Variants in USP25 observed in about 807,000 individuals in gnomAD.
The protein encoded by USP25 is ubiquitin specific peptidase 25.
USP25 carries 85 observed loss-of-function variants against 158.5 expected under a neutral mutation model. That is an observed-to-expected ratio of 0.54 (90% CI 0.45 to 0.64). The LOEUF is 0.64. Among genes scored for constraint, USP25 ranks in the 30% least tolerant of loss-of-function variants. The probability of loss-of-function intolerance (pLI) is 0.00; values close to 1 mark genes in which losing one functional copy is unlikely to be tolerated. For synonymous variants in USP25, 464 were observed against 460.4 expected (o/e 1.01, Z -0.10); for missense variants, 1,242 against 1,327.3 (o/e 0.94, Z 1.00).
At position 15,878,477 on chromosome 21, in the gene USP25, C is replaced by T. The variant is rs1215361786; in HGVS notation, c.*2C>T. ...CGAACTCCTGCTGATGGAAGATAAACTGCACACTTTCCCTGAACACACTGT... is the reference window on the plus strand; with the variant it reads ...CGAACTCCTGCTGATGGAAGATAAATTGCACACTTTCCCTGAACACACTGT... On this transcript the variant is annotated 3_prime_UTR_variant, in exon 26 of 26. Transcript: ENST00000400183. The T allele has an allele frequency of 3.1e-6, 5 of 1,613,758 alleles. No homozygotes were observed. Among genetic ancestry groups the T allele is most frequent in the Non-Finnish European group, 4.2e-6 (5 of 1,179,820 alleles).
At chr21:15,832,046 A>C (rs911210541) in intron 16 of USP25, among the ~76,000 whole-genome samples, 3 of 152,094 alleles carry the variant, frequency 2.0e-5, no homozygotes, top group Non-Finnish European at 4.4e-5. Context: ...AAACCATTTC[A>C]CACATTTATG....
In USP25 at chr21:15,843,395, G is replaced by A. The variant is rs2038432136; in HGVS notation, c.2337+855G>A. Among the ~76,000 whole-genome samples, 2 of 152,114 alleles carry A rather than the reference G, an allele frequency of 1.3e-5. No homozygotes were observed. The highest frequency in any genetic ancestry group is 1.3e-4 in the Admixed American group (2 of 15,270). Reference sequence around the variant, plus strand: ...TGCTTAGTAAGTGAATTCAGTGCCAGCAATAACCTGCTAATTGCAATGAGG... The same window carrying A: ...TGCTTAGTAAGTGAATTCAGTGCCAACAATAACCTGCTAATTGCAATGAGG... On this transcript the variant is annotated intron_variant, in intron 18 of 25. Coordinates refer to ENST00000400183, the MANE Select transcript of USP25 (RefSeq NM_001283041.3). The surrounding 1 kb of genome is among the most constrained non-coding windows in gnomAD (Gnocchi z 4.0).
At chr21:15,827,720 TAAG>T (rs1405169403) in intron 14 of USP25, among the ~76,000 whole-genome samples, 1 of 151,380 alleles carries the variant, frequency 6.6e-6, no homozygotes, top group Non-Finnish European at 1.5e-5. Flanking sequence ...ATAAGAAAAA[TAAG>T]GACAGTGCTC....
chr21:15,774,938 GA>G (rs1284660314), intron 3 of USP25, among the ~76,000 whole-genome samples: 1 of 152,118 alleles, frequency 6.6e-6, no homozygotes, highest in Non-Finnish European at 1.5e-5. Flanking sequence ...AATAATATCT[GA>G]GTAGTATTAT....
intron 20 of USP25, among the ~76,000 whole-genome samples, chr21:15,858,112 C>T (rs991091108): frequency 2.2e-4 from 34 of 152,046 alleles, no homozygotes; most frequent in African/African-American, 8.0e-4. Context: ...TTGTAATACA[C>T]TTTCACATTT....
intron 5 of USP25, 123 bp downstream of exon 5, chr21:15,791,787 G>A: frequency 9.9e-7 from 1 of 1,005,844 alleles, no homozygotes; most frequent in Non-Finnish European, 1.4e-6. Context: ...ATACTATTTT[G>A]TCTAATAAAC....
At chr21:15,857,515 T>A (rs960164142) in intron 20 of USP25, among the ~76,000 whole-genome samples, 2 of 152,148 alleles carry the variant, frequency 1.3e-5, no homozygotes, top group African/African-American at 4.8e-5. Flanking sequence ...TTTGTGAGGG[T>A]CAGTTTTTTT....
At chr21:15,732,631 G>T (rs942387205) in intron 1 of USP25, among the ~76,000 whole-genome samples, 16 of 152,236 alleles carry the variant, frequency 1.1e-4, no homozygotes, top group African/African-American at 3.9e-4. Context: ...TTAAAAAACT[G>T]TGTGTACATA....
intron 17 of USP25, among the ~76,000 whole-genome samples, chr21:15,838,350 T>C (rs146337600): frequency 9.2e-4 from 140 of 152,254 alleles, no homozygotes; most frequent in Middle Eastern, 3.4e-3. Context: ...AATGAATTTC[T>C]TAGGGGTGAT....
intron 14 of USP25, among the ~76,000 whole-genome samples, chr21:15,827,759 CGTGTGCGT>C (rs1434296722): frequency 9.7e-6 from 1 of 102,698 alleles, no homozygotes; most frequent in East Asian, 2.6e-4. Flanking sequence ...CACTTGTGTG[CGTGTGCGT>C]GTGTGTGTGT....
chr21:15,853,869 C>T (rs551340244), intron 20 of USP25, among the ~76,000 whole-genome samples: 3 of 152,040 alleles, frequency 2.0e-5, no homozygotes, highest in South Asian at 2.1e-4. Flanking sequence ...TAAGATCATA[C>T]GAGCCTAGCG....
chr21:15,797,818 CAGTACTGAGAG>C (rs2035933665), intron 5 of USP25, among the ~76,000 whole-genome samples: 1 of 151,108 alleles, frequency 6.6e-6, no homozygotes, highest in Non-Finnish European at 1.5e-5. Flanking sequence ...GAAAATATTA[CAGTACTGAGAG>C]AGAGAAGGAG....
intron 1 of USP25, among the ~76,000 whole-genome samples, chr21:15,740,392 G>A (rs779292166): frequency 9.2e-5 from 14 of 152,086 alleles, no homozygotes; most frequent in Non-Finnish European, 1.8e-4. Flanking sequence ...GTCTTTGAAC[G>A]GACATTGTTT....
intron 20 of USP25, among the ~76,000 whole-genome samples, chr21:15,853,144 T>C (rs768723783): frequency 1.3e-5 from 2 of 152,206 alleles, no homozygotes; most frequent in East Asian, 1.9e-4. Flanking sequence ...AATGCACATA[T>C]ACAGAGACTT....
chr21:15,848,529 C>A (rs916556553), intron 19 of USP25, among the ~76,000 whole-genome samples: 1 of 149,904 alleles, frequency 6.7e-6, no homozygotes, highest in East Asian at 2.0e-4. Flanking sequence ...CAGAGGAGGC[C>A]GTAACTATTG....
At chr21:15,846,454 G>A (rs543879506) in intron 18 of USP25, among the ~76,000 whole-genome samples, 17 of 151,798 alleles carry the variant, frequency 1.1e-4, no homozygotes, top group African/African-American at 4.1e-4. Flanking sequence ...AAGCTACCAC[G>A]CCATGCCAAA....
chr21:15,841,032 AT>A (rs1463896242), intron 17 of USP25, among the ~76,000 whole-genome samples: 1 of 152,210 alleles, frequency 6.6e-6, no homozygotes, highest in African/African-American at 2.4e-5. Flanking sequence ...TTGAAAGGCT[AT>A]TGCAGTCCAA....
chr21:15,811,896 T>A (rs933642444), intron 9 of USP25, among the ~76,000 whole-genome samples: 9 of 152,194 alleles, frequency 5.9e-5, no homozygotes, highest in African/African-American at 2.2e-4. Flanking sequence ...TTGAAAGTTA[T>A]CTTTTTCCAG....
intron 1 of USP25, among the ~76,000 whole-genome samples, chr21:15,754,245 A>G (rs1323042684): frequency 6.6e-6 from 1 of 152,170 alleles, no homozygotes; most frequent in East Asian, 1.9e-4. Context: ...TCCCATCTCC[A>G]ATAATTAGTT....
Sources: gnomAD v4.1 joint callset for allele counts (sites outside exome capture counted in the v4.1 genomes callset) on GRCh38, gnomAD v4.1.1 for gene constraint, Gnocchi (gnomAD v3.1) non-coding constraint, MANE v1.5 for transcripts, NCBI Gene and HGNC (gene_info 2026-07-23, HGNC 2026-07-21) for gene names.